Variants in LRRK2 observed in about 807,000 individuals in gnomAD.
LRRK2 encodes the protein leucine rich repeat kinase 2.
Under a neutral mutation model 302.6 loss-of-function variants are expected in LRRK2, and 203 were observed. The observed-to-expected ratio is 0.67, with a 90% CI of 0.60 to 0.75. The LOEUF is 0.75. Ranked by LOEUF, LRRK2 falls within the 30% of genes least tolerant of loss-of-function variation. The pLI is 0.00. For missense variants in LRRK2, 2,830 were observed against 2,951.0 expected (o/e 0.96, Z 0.95); for synonymous variants, 1,066 against 1,031.9 (o/e 1.03, Z -0.63).
At position 40,314,167 on chromosome 12, in the gene LRRK2, G is replaced by T. The variant is rs1424442910; in HGVS notation, c.4732G>T (p.Glu1578Ter). 6.2e-7 allele frequency: 1 copy of T among 1,612,112 alleles called. No homozygotes were observed. The highest frequency in any genetic ancestry group is 8.5e-7 in the Non-Finnish European group (1 of 1,178,652). ...ELPHAVHFLN[E>*]SGVLLHFQDP... ...TCCTCACGCAGTTCACTTTCTAAAT[G>T]AATCAGGTTTGTGTTTTTCGTTCCT... is the stretch of plus-strand genomic sequence containing the variant. Residue 1578 changes from glutamate (E) to a stop codon, truncating the protein, a stop_gained, in exon 32 of 51, where the codon GAA (glutamate) becomes TAA (stop). Coordinates refer to ENST00000298910, the MANE Select transcript of LRRK2 (RefSeq NM_198578.4). LOFTEE classifies it high-confidence loss of function.
chr12:40,290,182 A>G (rs1290766714), intron 20 of LRRK2, among the ~76,000 whole-genome samples: 1 of 151,970 alleles, frequency 6.6e-6, no homozygotes, highest in African/African-American at 2.4e-5. Flanking sequence ...TGAGGTATTC[A>G]TATTTTTCAC....
At chr12:40,336,530 G>A (rs28365232) in intron 40 of LRRK2, among the ~76,000 whole-genome samples, 1 of 152,294 alleles carries the variant, frequency 6.6e-6, no homozygotes, top group East Asian at 1.9e-4. Flanking sequence ...AGTAGGGGAA[G>A]GGGGAGAAAG....
chr12:40,282,541 A>G (rs1228003854), intron 18 of LRRK2, among the ~76,000 whole-genome samples: 2 of 152,140 alleles, frequency 1.3e-5, no homozygotes, highest in Admixed American at 1.3e-4. Context: ...AAAGTAGAGG[A>G]AGGCATTTGG....
At chr12:40,291,099 A>G (rs1021793035) in intron 20 of LRRK2, among the ~76,000 whole-genome samples, 1 of 152,126 alleles carries the variant, frequency 6.6e-6, no homozygotes, top group African/African-American at 2.4e-5. Flanking sequence ...CTATGCAGCC[A>G]TAAAAAATGA....
chr12:40,304,396 C>G, intron 27 of LRRK2: 1 of 542,322 alleles, frequency 1.8e-6, no homozygotes, highest in South Asian at 2.5e-5. Flanking sequence ...AAGGTAGTAG[C>G]CTTAATACTT....
chr12:40,232,153 A>G (rs1287150576), intron 2 of LRRK2, 121 bp from the exon 3 acceptor site: 2 of 767,452 alleles, frequency 2.6e-6, no homozygotes, highest in African/African-American at 3.4e-5. Context: ...TTGTTGTATA[A>G]CCATTGTTTA....
In LRRK2 at chr12:40,355,988, A is replaced by G. The variant is rs182035168; in HGVS notation, c.6771-127A>G. The stretch of plus-strand genomic sequence containing the variant: ...GTCTTCTAAAGTAAATACTCTAAGA[A>G]AAGGGAGGTTAGGAATTTATAGTTG... On this transcript the variant is annotated intron_variant, in intron 45 of 50. Transcript: ENST00000298910. 9.8e-3 allele frequency: 6,385 copies of G among 650,100 alleles called. 58 individuals carry two copies. Among genetic ancestry groups the G allele is most frequent in the South Asian group, 0.025 (1,384 of 54,500 alleles). The allele number at this position is 650,100 out of a possible 1,614,324, so 40.3% of individuals were successfully genotyped here.
Position 40,284,085 on chromosome 12 carries a change from C to T in LRRK2, c.2452C>T (p.Leu818Phe). The change falls in exon 19 of 51, where the codon CTT becomes TTT. Residue 818 changes from leucine to phenylalanine, a missense_variant. Physicochemically the swap from Leu to Phe is conservative, Grantham distance 22. This residue lies in a region of LRRK2 where 2,121 missense variants were observed against 2,148.0 expected (regional missense o/e 0.99). Transcript: ENST00000298910. ...TATAGGAAAAGTTGAACCTTCTTGG[C>T]TTGGTCCTTTATTTCCAGATAAGAC... is the stretch of plus-strand genomic sequence containing the variant. ...FCIGKVEPSW[L>F]GPLFPDKTSN... 6.2e-7 allele frequency: 1 copy of T among 1,612,858 alleles called. No individual in the cohort carries two copies. Among genetic ancestry groups the T allele is most frequent in the African/African-American group, 1.3e-5 (1 of 75,012 alleles).
At chr12:40,326,165 TA>T (rs1425279153) in intron 38 of LRRK2, among the ~76,000 whole-genome samples, 1 of 152,158 alleles carries the variant, frequency 6.6e-6, no homozygotes, top group Non-Finnish European at 1.5e-5. Context: ...AGAAGGGCTT[TA>T]AAAAATTAGA....
intron 14 of LRRK2, among the ~76,000 whole-genome samples, chr12:40,265,262 C>T (rs61423530): frequency 3.3e-5 from 5 of 152,102 alleles, no homozygotes; most frequent in African/African-American, 1.2e-4. Flanking sequence ...AATAAATATG[C>T]TTTGTACTCT....
intron 14 of LRRK2, among the ~76,000 whole-genome samples, chr12:40,267,680 A>G (rs901418686): frequency 6.6e-6 from 1 of 152,060 alleles, no homozygotes; most frequent in Non-Finnish European, 1.5e-5. Context: ...CTGATTATCG[A>G]TAGGGGTGGG....
At position 40,346,786 on chromosome 12, in the gene LRRK2, T is replaced by G; in HGVS notation, c.6143T>G (p.Val2048Gly). Residue 2048 changes from valine to glycine, a missense_variant, in exon 42 of 51, where the codon GTC becomes GGC. Physicochemically the swap from Val to Gly is moderately radical, Grantham distance 109. Transcript: ENST00000298910. The stretch of plus-strand genomic sequence containing the variant: ...GCACCTGAAGTTGCCAGAGGAAATG[T>G]CATTTATAACCAACAGGCTGATGTT... ...FRAPEVARGN[V>G]IYNQQADVYS... 6.2e-7 allele frequency: 1 copy of G among 1,614,012 alleles called. No individual in the cohort carries two copies.
At chr12:40,304,165 A>G (rs1335415483) in intron 27 of LRRK2, 31 bp downstream of exon 27, 2 of 1,597,280 alleles carry the variant, frequency 1.3e-6, no homozygotes, top group African/African-American at 1.3e-5. Context: ...TAAAAAATAT[A>G]CTTTATGATT....
intron 33 of LRRK2, among the ~76,000 whole-genome samples, chr12:40,317,845 G>T (rs1380956270): frequency 4.6e-5 from 7 of 152,070 alleles, no homozygotes; most frequent in Non-Finnish European, 1.0e-4. Flanking sequence ...TCGAAACTTG[G>T]AGGCTTAAAA....
chr12:40,270,803 C>T (rs571230850), intron 14 of LRRK2, among the ~76,000 whole-genome samples: 27 of 151,842 alleles, frequency 1.8e-4, no homozygotes, highest in South Asian at 8.3e-4. Context: ...TATACATACA[C>T]GAATACATAT....
In LRRK2 at chr12:40,308,468, T is replaced by C; in HGVS notation, c.3961T>C (p.Phe1321Leu). 6.2e-7 allele frequency: 1 copy of C among 1,611,852 alleles called. No homozygotes were observed. Among genetic ancestry groups the C allele is most frequent in the Non-Finnish European group, 8.5e-7 (1 of 1,178,454 alleles). The change falls in exon 29 of 51, where the codon TTT (phenylalanine) becomes CTT (leucine). Residue 1321 changes from phenylalanine (F) to leucine (L), a missense_variant and splice_region_variant. Phe to Leu is a conservative substitution (Grantham distance 22). This residue lies in a region of LRRK2 where 2,121 missense variants were observed against 2,148.0 expected (regional missense o/e 0.99). Transcript: ENST00000298910. ...TTATTTTTATCTTTCAAATACTAGG[T>C]TTCTTCAACAGCGATTAAAAAAGGC... ...IGCKAKDIIRFLQQRLKKAVP... is the reference protein window; with the variant it reads ...IGCKAKDIIRLLQQRLKKAVP...
rs1347775539 is a variant in LRRK2 at position 40,278,397 on chromosome 12, G to A, written c.2241+136G>A. The A allele has an allele frequency of 2.8e-6, 3 of 1,071,118 alleles. No homozygotes were observed. The East Asian group carries it at 7.4e-5, about 26-fold the overall frequency. The allele number at this position is 1,071,118 out of a possible 1,614,324, so 66.4% of individuals were successfully genotyped here. A position where few individuals can be genotyped will look rare whatever the true frequency, so the allele number is the denominator to read the frequency against. On this transcript the variant is annotated intron_variant, in intron 18 of 50. Transcript: ENST00000298910. ...TTACCAGTTTATTGCAATTGTTTGT[G>A]TCTTGTAGTAGATTTATAGAATTCC...
At chr12:40,237,519 T>C (rs957316285) in intron 4 of LRRK2, among the ~76,000 whole-genome samples, 1 of 152,078 alleles carries the variant, frequency 6.6e-6, no homozygotes, top group Admixed American at 6.6e-5. Flanking sequence ...GGATAGAGAA[T>C]GAGAAGAGAA....
At chr12:40,248,394 G>A (rs1237665073) in intron 7 of LRRK2, among the ~76,000 whole-genome samples, 3 of 152,142 alleles carry the variant, frequency 2.0e-5, no homozygotes, top group Non-Finnish European at 4.4e-5. Flanking sequence ...CAACTGTCAT[G>A]TCATATGTAA....
Sources: allele counts gnomAD v4.1 joint callset (sites outside exome capture counted in the v4.1 genomes callset), GRCh38; gene constraint gnomAD v4.1.1; regional missense constraint gnomAD v4.1.1; transcripts MANE v1.5; gene names NCBI Gene and HGNC (gene_info 2026-07-23, HGNC 2026-07-21).